Variants in SRD5A2 observed in about 807,000 individuals in gnomAD.
The protein encoded by SRD5A2 is steroid 5 alpha-reductase 2.
SRD5A2 carries 30 observed loss-of-function variants against 27.4 expected under a neutral mutation model. The observed-to-expected ratio is 1.10, with a 90% CI of 0.82 to 1.49. The LOEUF (loss-of-function observed/expected upper bound fraction) is 1.49. Among genes scored for constraint, SRD5A2 ranks in the 40% most tolerant of loss-of-function variants. The pLI is 0.00. For missense variants in SRD5A2, 348 were observed against 323.4 expected, an observed-to-expected ratio of 1.08 and a Z score of -0.58; for synonymous variants, 141 against 133.6, an observed-to-expected ratio of 1.06 and a Z score of -0.38.
chr2:31,625,107 C>T, the SRD5A2 span, among the ~76,000 whole-genome samples: 2 of 152,130 alleles, frequency 1.3e-5, no homozygotes, highest in Non-Finnish European at 2.9e-5. Flanking sequence ...TCTCTGATGA[C>T]CAGTGATGAT....
the SRD5A2 span, among the ~76,000 whole-genome samples, chr2:31,639,585 T>C: frequency 2.0e-5 from 3 of 152,098 alleles, no homozygotes; most frequent in African/African-American, 4.8e-5. Context: ...TATCTCTCCT[T>C]CATATCTGAA....
chr2:31,541,720 C>T (rs1666133615), intron 1 of SRD5A2, among the ~76,000 whole-genome samples: 1 of 152,182 alleles, frequency 6.6e-6, no homozygotes, highest in South Asian at 2.1e-4. Context: ...ATGCCCCTCC[C>T]CTATCCCTCT....
the SRD5A2 span, among the ~76,000 whole-genome samples, chr2:31,619,224 A>G: frequency 6.6e-6 from 1 of 152,222 alleles, no homozygotes; most frequent in South Asian, 2.1e-4. Flanking sequence ...GGGATGTAAA[A>G]TTGTGTAGCC....
At chr2:31,628,625 T>A in the SRD5A2 span, among the ~76,000 whole-genome samples, 1 of 152,364 alleles carries the variant, frequency 6.6e-6, no homozygotes, top group Middle Eastern at 3.4e-3. Context: ...TTTCTTTGCA[T>A]ATTTAGCACT....
At chr2:31,625,239 C>A in the SRD5A2 span, among the ~76,000 whole-genome samples, 9,924 of 152,122 alleles carry the variant, frequency 0.065, 456 homozygotes, top group Non-Finnish European at 0.097. Flanking sequence ...TGTTTAAGTT[C>A]TTTGTAGATT....
the SRD5A2 span, among the ~76,000 whole-genome samples, chr2:31,632,629 C>T: frequency 6.6e-6 from 1 of 152,156 alleles, no homozygotes; most frequent in South Asian, 2.1e-4. Flanking sequence ...CGGTCTTATT[C>T]TCCTGTCCTG....
chr2:31,660,660 C>G, the SRD5A2 span, among the ~76,000 whole-genome samples: 1 of 151,936 alleles, frequency 6.6e-6, no homozygotes, highest in Non-Finnish European at 1.5e-5. Context: ...GTACCTTCCT[C>G]TTAATTTTGC....
chr2:31,560,648 C>G (rs1572648055), intron 1 of SRD5A2, among the ~76,000 whole-genome samples: 1 of 152,236 alleles, frequency 6.6e-6, no homozygotes, highest in South Asian at 2.1e-4. Flanking sequence ...AGCTTTTCTT[C>G]TTTTTACTGT....
At chr2:31,613,720 G>A in the SRD5A2 span, among the ~76,000 whole-genome samples, 1 of 152,190 alleles carries the variant, frequency 6.6e-6, no homozygotes, top group East Asian at 1.9e-4. Flanking sequence ...CCCAAGACTG[G>A]GTAATCTATA....
upstream of SRD5A2, among the ~76,000 whole-genome samples, chr2:31,584,156 G>T (rs1667138690): frequency 6.6e-6 from 1 of 152,174 alleles, no homozygotes; most frequent in Non-Finnish European, 1.5e-5. Context: ...GTTTGCATAT[G>T]AAAGATGTGT....
At chr2:31,617,111 TCCCCAG>T in the SRD5A2 span, among the ~76,000 whole-genome samples, 15 of 152,148 alleles carry the variant, frequency 9.9e-5, no homozygotes, top group African/African-American at 3.6e-4. Context: ...TTATGAGGCT[TCCCCAG>T]CCACGAGGAA....
chr2:31,630,861 C>T, the SRD5A2 span, among the ~76,000 whole-genome samples: 1 of 152,116 alleles, frequency 6.6e-6, no homozygotes. Flanking sequence ...TCCGACCAGA[C>T]CTAGAAGGAA....
the SRD5A2 span, among the ~76,000 whole-genome samples, chr2:31,649,695 G>C: frequency 6.6e-6 from 1 of 151,842 alleles, no homozygotes; most frequent in East Asian, 1.9e-4. Flanking sequence ...TTCCCAGAGT[G>C]TATCATTGTA....
chr2:31,653,229 C>T, the SRD5A2 span, among the ~76,000 whole-genome samples: 2 of 152,164 alleles, frequency 1.3e-5, no homozygotes, highest in African/African-American at 4.8e-5. Context: ...TCCAGTCAAG[C>T]AGCTATCAAT....
chr2:31,655,864 A>G, the SRD5A2 span, among the ~76,000 whole-genome samples: 1 of 152,214 alleles, frequency 6.6e-6, no homozygotes, highest in Non-Finnish European at 1.5e-5. Flanking sequence ...AAATATAAAG[A>G]TAAAGAAAAC....
the SRD5A2 span, among the ~76,000 whole-genome samples, chr2:31,606,764 C>G: frequency 6.6e-6 from 1 of 151,896 alleles, no homozygotes; most frequent in Non-Finnish European, 1.5e-5. Flanking sequence ...TGAGTCACAT[C>G]GTTGGCATAA....
the SRD5A2 span, among the ~76,000 whole-genome samples, chr2:31,610,263 A>C: frequency 2.0e-5 from 3 of 152,172 alleles, no homozygotes; most frequent in Admixed American, 6.5e-5. Context: ...AGATTCAAAA[A>C]TTCTCAACAA....
chr2:31,596,136 G>T, the SRD5A2 span, among the ~76,000 whole-genome samples: 1 of 152,064 alleles, frequency 6.6e-6, no homozygotes, highest in Non-Finnish European at 1.5e-5. Context: ...CTCCTGCAAG[G>T]TGTGGTGCTC....
intron 1 of SRD5A2, among the ~76,000 whole-genome samples, chr2:31,567,456 G>GTGTA (rs143408801): frequency 2.7e-4 from 38 of 140,222 alleles, no homozygotes; most frequent in African/African-American, 5.6e-4. Flanking sequence ...GTGTGTGTGT[G>GTGTA]TATATATATA....
Sources: allele counts gnomAD v4.1 joint callset (sites outside exome capture counted in the v4.1 genomes callset), GRCh38; gene constraint gnomAD v4.1.1; transcripts MANE v1.5; gene names NCBI Gene and HGNC (gene_info 2026-07-23, HGNC 2026-07-21).